The following NINJ2 variants were observed in gnomAD, a reference collection of about 807,000 sequenced individuals.
The protein encoded by NINJ2 is ninjurin 2.
A neutral mutation model predicts 11.7 loss-of-function variants in NINJ2; 12 were observed. The observed-to-expected ratio is 1.02, with a 90% CI of 0.66 to 1.66. NINJ2 has a LOEUF of 1.66. Ranked by LOEUF, NINJ2 falls within the 40% of genes most tolerant of loss-of-function variation. The pLI, the probability that NINJ2 is intolerant of heterozygous loss-of-function variation, is 0.00. For synonymous variants in NINJ2, 93 were observed against 76.8 expected, an observed-to-expected ratio of 1.21 and a Z score of -1.10; for missense variants, 187 against 181.8, an observed-to-expected ratio of 1.03 and a Z score of -0.16.
At chr12:598,158 G>A (rs916153561) in intron 1 of NINJ2, among the ~76,000 whole-genome samples, 34 of 152,204 alleles carry the variant, frequency 2.2e-4, no homozygotes, top group African/African-American at 1.2e-4. Context: ...GTGTGTATGC[G>A]TGTGTGTCTG....
Position 601,868 on chromosome 12 carries a change from A to G in NINJ2, c.34-35690T>C, listed in dbSNP as rs1947879204. 1.3e-5 allele frequency among the ~76,000 whole-genome samples: 2 copies of G among 152,170 alleles called. 1 individual carries two copies. ...AGATCAGCCTGAGCGATAGAGTGCG[A>G]CTCTGTGTCAAAAAAATAAATAAAT... On this transcript the variant is annotated intron_variant, in intron 1 of 3. Coordinates refer to ENST00000305108, the MANE Select transcript of NINJ2 (RefSeq NM_016533.6).
chr12:656,382 T>C (rs976447283), intron 1 of NINJ2, among the ~76,000 whole-genome samples: 1 of 144,300 alleles, frequency 6.9e-6, no homozygotes, highest in African/African-American at 2.5e-5. Context: ...TAAAATAAAA[T>C]AAACCCAAAA....
At chr12:658,872 TA>T (rs1159490426) in intron 1 of NINJ2, among the ~76,000 whole-genome samples, 1 of 151,750 alleles carries the variant, frequency 6.6e-6, no homozygotes, top group Non-Finnish European at 1.5e-5. Context: ...TCATCGGTTG[TA>T]AAAAAACAAT....
At position 580,453 on chromosome 12, in the gene NINJ2, T is replaced by A. The variant is rs948161767; in HGVS notation, c.34-14275A>T. Among the ~76,000 whole-genome samples the A allele has an allele frequency of 1.3e-5, 2 of 151,978 alleles. No homozygotes were observed. Among genetic ancestry groups the A allele is most frequent in the African/African-American group, 2.4e-5 (1 of 41,348 alleles). On this transcript the variant is annotated intron_variant, in intron 1 of 3. Transcript: ENST00000305108. The surrounding 1 kb of genome is among the most constrained non-coding windows in gnomAD (Gnocchi z 4.7). ...AAATACAAAAATTAGCCAGATGTGG[T>A]GGTGCACGCCTATAATTCCAGCTAC...
intron 1 of NINJ2, among the ~76,000 whole-genome samples, chr12:592,324 G>A (rs929290122): frequency 5.3e-5 from 8 of 152,232 alleles, no homozygotes; most frequent in African/African-American, 1.7e-4. Flanking sequence ...GACCCGTCAC[G>A]GTACATTCTT....
intron 1 of NINJ2, among the ~76,000 whole-genome samples, chr12:600,654 GTGTGTGTGTGTGT>G (rs1947854526): frequency 9.0e-5 from 1 of 11,094 alleles, no homozygotes; most frequent in Non-Finnish European, 7.8e-4. Context: ...TTTTTTTGGG[GTGTGTGTGTGTGT>G]GTGTGTGTGT....
At chr12:607,925 T>G (rs1303220264) in intron 1 of NINJ2, among the ~76,000 whole-genome samples, 3 of 152,180 alleles carry the variant, frequency 2.0e-5, no homozygotes, top group African/African-American at 7.2e-5. Context: ...TCCAGTCCTT[T>G]GGCCATCAGC....
intron 1 of NINJ2, among the ~76,000 whole-genome samples, chr12:598,329 C>A (rs11063796): frequency 1.3e-5 from 2 of 152,232 alleles, no homozygotes; most frequent in Non-Finnish European, 2.9e-5. Context: ...GTGTCCACAG[C>A]TCCATTCCGC....
intron 1 of NINJ2, among the ~76,000 whole-genome samples, chr12:574,232 TA>T (rs1250200745): frequency 6.6e-6 from 1 of 151,784 alleles, no homozygotes; most frequent in African/African-American, 2.4e-5. Context: ...CTAAAATAAA[TA>T]AATAAATAGG....
Position 583,590 on chromosome 12 carries a change from G to C in NINJ2, c.34-17412C>G, listed in dbSNP as rs1371248184. Among the ~76,000 whole-genome samples the C allele has an allele frequency of 5.9e-5, 9 of 152,256 alleles. No homozygotes were observed. The East Asian group carries it at 1.7e-3, about 29-fold the overall frequency. On this transcript the variant is annotated intron_variant, in intron 1 of 3. Transcript: ENST00000305108. ...GGGGACTCCTGAGCAGCCAGGTCCA[G>C]CTTGGCCCAGCCTTGCCCATGCTGA...
intron 1 of NINJ2, among the ~76,000 whole-genome samples, chr12:618,137 T>C (rs1190336146): frequency 6.7e-6 from 1 of 148,308 alleles, no homozygotes; most frequent in Non-Finnish European, 1.5e-5. Flanking sequence ...TCTGAACCCG[T>C]AGGAGCTCCT....
intron 1 of NINJ2, among the ~76,000 whole-genome samples, chr12:660,057 G>A: frequency 6.6e-6 from 1 of 151,954 alleles, no homozygotes; most frequent in Non-Finnish European, 1.5e-5. Flanking sequence ...GGCCAAGACA[G>A]GAAGATCACT....
intron 1 of NINJ2, among the ~76,000 whole-genome samples, chr12:578,153 A>G (rs1947495449): frequency 6.6e-6 from 1 of 152,116 alleles, no homozygotes; most frequent in African/African-American, 2.4e-5. Flanking sequence ...GCCCCCGGTC[A>G]CGTACCCCCT....
At chr12:567,555 CAG>C (rs572603960) in intron 1 of NINJ2, among the ~76,000 whole-genome samples, 109 of 152,240 alleles carry the variant, frequency 7.2e-4, no homozygotes, top group South Asian at 2.7e-3. Context: ...AGGCAGGTCT[CAG>C]AGGGTCTGGA....
chr12:611,054 G>T (rs751747283), intron 1 of NINJ2, among the ~76,000 whole-genome samples: 1 of 152,146 alleles, frequency 6.6e-6, no homozygotes, highest in Non-Finnish European at 1.5e-5. Context: ...ATTCTTTAAA[G>T]AACTCTGTGT....
intron 1 of NINJ2, among the ~76,000 whole-genome samples, chr12:595,056 C>T (rs1947765058): frequency 6.6e-6 from 1 of 151,904 alleles, no homozygotes. Flanking sequence ...TGATCTTTGA[C>T]AAAGGAGCAC....
intron 1 of NINJ2, among the ~76,000 whole-genome samples, chr12:569,831 C>T (rs915658187): frequency 6.6e-6 from 1 of 152,234 alleles, no homozygotes; most frequent in Non-Finnish European, 1.5e-5. Context: ...TGCGCCTCAT[C>T]CTTTCCTCGC....
chr12:639,475 G>C (rs1948394065), intron 1 of NINJ2, among the ~76,000 whole-genome samples: 1 of 110,174 alleles, frequency 9.1e-6, no homozygotes. Flanking sequence ...CTATGTTGAA[G>C]GTGCTCTTCT....
At position 610,656 on chromosome 12, in the gene NINJ2, A is replaced by G. The variant is rs978991844; in HGVS notation, c.34-44478T>C. On this transcript the variant is annotated intron_variant, in intron 1 of 3. Transcript: ENST00000305108. The stretch of plus-strand genomic sequence containing the variant: ...AATATGTGGCTCTAGAGTCTGAAGG[A>G]GACAACTTCAACTCAACCTTGTTTA... 5.3e-5 allele frequency: 52 copies of G among 984,516 alleles called. No homozygotes were observed. In the African/African-American group the frequency reaches 8.9e-4, roughly 17 times the overall value. The allele number at this position is 984,516 out of a possible 1,614,324, so 61.0% of individuals were successfully genotyped here. A position where few individuals can be genotyped will look rare whatever the true frequency, so the allele number is the denominator to read the frequency against.
Sources: allele counts gnomAD v4.1 joint callset (sites outside exome capture counted in the v4.1 genomes callset), GRCh38; gene constraint gnomAD v4.1.1; non-coding constraint Gnocchi (gnomAD v3.1); transcripts MANE v1.5; gene names NCBI Gene and HGNC (gene_info 2026-07-23, HGNC 2026-07-21).